COQ8A: variants seen among roughly 807,000 people sequenced by gnomAD.
COQ8A encodes the protein coenzyme Q8A.
COQ8A carries 51 observed loss-of-function variants against 65.0 expected under a neutral mutation model. The ratio of observed to expected loss-of-function variants is 0.78; its 90% CI spans 0.63 to 0.99. COQ8A has a LOEUF of 0.99. COQ8A is among the 50% of genes least tolerant of loss of function. COQ8A has a pLI of 0.00. For synonymous variants in COQ8A, 371 were observed against 353.2 expected (o/e 1.05, Z -0.57); for missense variants, 940 against 875.0 (o/e 1.07, Z -0.94).
chr1:226,971,592 T>A (rs1379939563), intron 4 of COQ8A, among the ~76,000 whole-genome samples: 1 of 152,166 alleles, frequency 6.6e-6, no homozygotes, highest in African/African-American at 2.4e-5. Context: ...CATCATACTT[T>A]ATTTTTTTAA....
At chr1:226,957,407 C>T (rs1391983285) in intron 1 of COQ8A, among the ~76,000 whole-genome samples, 2 of 151,502 alleles carry the variant, frequency 1.3e-5, no homozygotes, top group African/African-American at 4.9e-5. Context: ...CAAGAGACTT[C>T]AGGACAGTGG....
intron 14 of COQ8A, 49 bp downstream of exon 14, chr1:226,985,389 G>A: frequency 1.9e-6 from 3 of 1,594,768 alleles, no homozygotes; most frequent in East Asian, 4.5e-5. Flanking sequence ...CCAGGGCCCG[G>A]CTCCCTGTGT....
chr1:226,977,281 C>A lies in COQ8A; in HGVS notation c.656-168C>A, dbSNP rs2148102910. On this transcript the variant is annotated intron_variant, in intron 4 of 14. Transcript: ENST00000366777. ...CGAGCCAAATGTTCTCTTAAAACAA[C>A]AGGTGGCATCTCCCACCTTGTTCCC... 3.3e-6 allele frequency: 2 copies of A among 614,658 alleles called. 1 individual carries two copies. Among genetic ancestry groups the A allele is most frequent in the East Asian group, 5.6e-5 (2 of 35,810 alleles). The allele number at this position is 614,658 out of a possible 1,614,324, so 38.1% of individuals were successfully genotyped here.
chr1:226,983,502 C>G, intron 8 of COQ8A, 50 bp from the exon 9 acceptor site: 1 of 1,555,514 alleles, frequency 6.4e-7, no homozygotes, highest in Non-Finnish European at 8.9e-7. Context: ...CCAGGCAGGG[C>G]CCACCCGTCT....
chr1:226,961,469 G>T lies in COQ8A; in HGVS notation c.84G>T (p.Gln28His). The T allele has an allele frequency of 1.2e-6, 2 of 1,613,882 alleles. No homozygotes were observed. Among genetic ancestry groups the T allele is most frequent in the Non-Finnish European group, 1.7e-6 (2 of 1,179,992 alleles). ...LTQAAVETHL[Q>H]HLGIGGELIM... ...AGGCGGCCGTGGAAACCCACCTGCA[G>T]CACTTGGGCATCGGAGGGGAGCTGA... is the stretch of plus-strand genomic sequence containing the variant. Residue 28 changes from glutamine (Q) to histidine (H), a missense_variant, in exon 2 of 15, where the codon CAG becomes CAT. Gln to His is a conservative substitution (Grantham distance 24). Coordinates refer to ENST00000366777, the MANE Select transcript of COQ8A (RefSeq NM_020247.5).
intron 1 of COQ8A, among the ~76,000 whole-genome samples, chr1:226,953,179 G>A (rs1400572324): frequency 6.6e-6 from 1 of 152,164 alleles, no homozygotes; most frequent in Non-Finnish European, 1.5e-5. Flanking sequence ...ACAGGCGCAT[G>A]CCACCACGCT....
chr1:226,965,806 G>A, intron 4 of COQ8A, 69 bp downstream of exon 4: 1 of 1,537,940 alleles, frequency 6.5e-7, no homozygotes, highest in Non-Finnish European at 8.9e-7. Context: ...GGCCTGCATG[G>A]AGGTGGGGAC....
Position 226,986,586 on chromosome 1 carries a change from G to C in COQ8A, c.1793G>C (p.Arg598Pro). The part of the protein sequence containing the change: ...HNLIPVMLRH[R>P]LVPPPEETYS... ...CTGATTCCCGTCATGCTGAGGCACC[G>C]TCTCGTCCCCCCACCCGAGGAAACC... The change falls in exon 15 of 15, where the codon CGT (arginine) becomes CCT (proline). Residue 598 changes from arginine to proline, a missense_variant. Transcript: ENST00000366777. 1 of 1,613,730 alleles carries C rather than the reference G, an allele frequency of 6.2e-7. No individual in the cohort carries two copies. Among genetic ancestry groups the C allele is most frequent in the Non-Finnish European group, 8.5e-7 (1 of 1,179,950 alleles).
intron 12 of COQ8A, 88 bp from the exon 13 acceptor site, chr1:226,984,788 C>G: frequency 1.3e-6 from 2 of 1,509,976 alleles, no homozygotes; most frequent in South Asian, 2.3e-5. Flanking sequence ...GGGATCCTCA[C>G]TGCCCTCTGT....
Position 226,973,437 on chromosome 1 carries a change from T to C in COQ8A, c.656-4012T>C, listed in dbSNP as rs143645239. On this transcript the variant is annotated intron_variant, in intron 4 of 14. Coordinates refer to ENST00000366777, the MANE Select transcript of COQ8A (RefSeq NM_020247.5). ...GCCATATGGTTATTTGTGACATCCC[T>C]GGGACTAGAGCCCAGGCCTCTGTGG... Among the ~76,000 whole-genome samples the C allele has an allele frequency of 7.6e-4, 116 of 152,308 alleles. 1 individual carries two copies. Among genetic ancestry groups the C allele is most frequent in the African/African-American group, 2.6e-3 (109 of 41,572 alleles).
intron 5 of COQ8A, among the ~76,000 whole-genome samples, chr1:226,980,454 C>T (rs1659618394): frequency 6.6e-6 from 1 of 152,180 alleles, no homozygotes; most frequent in South Asian, 2.1e-4. Flanking sequence ...AGTGGCCTCT[C>T]CTCAAGGTTT....
chr1:226,950,738 T>C (rs1417532171), intron 1 of COQ8A, among the ~76,000 whole-genome samples: 1 of 143,918 alleles, frequency 6.9e-6, no homozygotes, highest in East Asian at 2.0e-4. Context: ...TGGGGGAGAA[T>C]GTCAGTGCCT....
intron 1 of COQ8A, among the ~76,000 whole-genome samples, chr1:226,945,825 C>T (rs1657006121): frequency 6.6e-6 from 1 of 152,238 alleles, no homozygotes; most frequent in Admixed American, 6.5e-5. Context: ...GCAGTGACTG[C>T]GTCCCCTGCT....
At chr1:226,979,225 G>C (rs1175202621) in intron 5 of COQ8A, among the ~76,000 whole-genome samples, 1 of 152,220 alleles carries the variant, frequency 6.6e-6, no homozygotes, top group African/African-American at 2.4e-5. Flanking sequence ...CGCTGTGGCC[G>C]GGCCCTCTGT....
rs1659956153 is a variant in COQ8A, at chr1:226,984,559, C to T, written c.1410C>T (p.Asn470=). 1.2e-6 allele frequency: 2 copies of T among 1,613,794 alleles called. No homozygotes were observed. Among genetic ancestry groups the T allele is most frequent in the Non-Finnish European group, 1.7e-6 (2 of 1,179,638 alleles). The part of the protein sequence containing the change: ...SQEIRNEICY[N]ILVLCLRELF... ...CGCGCTGTCCACAGATCTGCTACAACATCCTGGTTCTGTGCCTGAGGGAGC... is the reference window on the plus strand; with the variant it reads ...CGCGCTGTCCACAGATCTGCTACAATATCCTGGTTCTGTGCCTGAGGGAGC... The change falls in exon 12 of 15, where the codon AAC becomes AAT. Residue 470 remains asparagine, a synonymous_variant. Coordinates refer to ENST00000366777, the MANE Select transcript of COQ8A (RefSeq NM_020247.5).
intron 1 of COQ8A, among the ~76,000 whole-genome samples, chr1:226,960,361 TTGGTGGTGG>T (rs1258779133): frequency 0.014 from 23 of 1,592 alleles, no homozygotes; most frequent in Middle Eastern, 0.5. Flanking sequence ...GTGGTGGTGC[TTGGTGGTGG>T]TGGTGGTACT....
At chr1:226,983,224 T>C in intron 8 of COQ8A, 190 bp downstream of exon 8, 1 of 966,714 alleles carries the variant, frequency 1.0e-6, no homozygotes, top group South Asian at 1.7e-5. Context: ...GCTAAATGAG[T>C]GACTTTGGGG....
intron 5 of COQ8A, among the ~76,000 whole-genome samples, chr1:226,980,890 G>A (rs1327624390): frequency 2.0e-5 from 3 of 152,206 alleles, no homozygotes; most frequent in Non-Finnish European, 4.4e-5. Flanking sequence ...GGCTGCACCC[G>A]GCTCCGGGGC....
At chr1:226,955,056 A>G (rs1366124644) in intron 1 of COQ8A, among the ~76,000 whole-genome samples, 1 of 152,030 alleles carries the variant, frequency 6.6e-6, no homozygotes, top group Non-Finnish European at 1.5e-5. Flanking sequence ...CTGGAACCTA[A>G]AGGCAGTGGA....
Sources: allele counts gnomAD v4.1 joint callset (sites outside exome capture counted in the v4.1 genomes callset), GRCh38; gene constraint gnomAD v4.1.1; transcripts MANE v1.5; gene names NCBI Gene and HGNC (gene_info 2026-07-23, HGNC 2026-07-21).